The following RCAN3 variants were observed in gnomAD, a reference collection of about 807,000 sequenced individuals.
RCAN3 encodes calcipressin-3.
Under a neutral mutation model 21.9 loss-of-function variants are expected in RCAN3, and 19 were observed. That is an observed-to-expected ratio of 0.87 (90% CI 0.61 to 1.27). The LOEUF is 1.27. RCAN3 is among the 50% of genes most tolerant of loss of function. The pLI, the probability that RCAN3 is intolerant of heterozygous loss-of-function variation, is 0.00. For missense variants in RCAN3, 240 were observed against 300.1 expected, an observed-to-expected ratio of 0.80 and a Z score of 1.48; for synonymous variants, 114 against 112.3, an observed-to-expected ratio of 1.01 and a Z score of -0.09.
intron 2 of RCAN3, among the ~76,000 whole-genome samples, chr1:24,521,932 T>G (rs1384303702): frequency 6.6e-6 from 1 of 152,020 alleles, no homozygotes; most frequent in Non-Finnish European, 1.5e-5. Flanking sequence ...ATTTACAGTT[T>G]AATGTATTGA....
At chr1:24,526,523 G>A (rs1048099270) in intron 2 of RCAN3, among the ~76,000 whole-genome samples, 1 of 152,168 alleles carries the variant, frequency 6.6e-6, no homozygotes, top group African/African-American at 2.4e-5. Flanking sequence ...TGGGAAGAAG[G>A]ATATGATTAT....
In RCAN3 at chr1:24,524,828, G is replaced by T. The variant is rs200292008; in HGVS notation, c.196-6390G>T. 5.2e-3 allele frequency among the ~76,000 whole-genome samples: 656 copies of T among 127,160 alleles called. 3 individuals are homozygous for T. Among genetic ancestry groups the T allele is most frequent in the Non-Finnish European group, 6.7e-3 (410 of 60,972 alleles). The allele number at this position is 127,160 out of a possible 152,430, so 83.4% of individuals were successfully genotyped here. A position where few individuals can be genotyped will look rare whatever the true frequency, so the allele number is the denominator to read the frequency against. On this transcript the variant is annotated intron_variant, in intron 2 of 4. Transcript: ENST00000374395. Reference sequence around the variant, plus strand: ...TACTCTGTTTATTTTGTTTTCTTTTGTTTTTTTTTTTTTTTTTTTGAGACA... The same window carrying T: ...TACTCTGTTTATTTTGTTTTCTTTTTTTTTTTTTTTTTTTTTTTTGAGACA...
At chr1:24,508,562 G>T (rs1211368964) in intron 1 of RCAN3, among the ~76,000 whole-genome samples, 1 of 152,164 alleles carries the variant, frequency 6.6e-6, no homozygotes, top group African/African-American at 2.4e-5. Flanking sequence ...AGGAAGAAGG[G>T]CCAGGAAGAG....
At chr1:24,517,171 A>G (rs1411998951) in intron 2 of RCAN3, among the ~76,000 whole-genome samples, 3 of 151,280 alleles carry the variant, frequency 2.0e-5, no homozygotes, top group Non-Finnish European at 4.4e-5. Context: ...CTGGAGTGCA[A>G]TGGCGCAGTC....
chr1:24,534,586 G>A (rs1650069179), intron 4 of RCAN3, among the ~76,000 whole-genome samples: 1 of 148,926 alleles, frequency 6.7e-6, no homozygotes, highest in Admixed American at 6.7e-5. Flanking sequence ...CAGCCTGGGC[G>A]ACAGAGCAAG....
intron 1 of RCAN3, among the ~76,000 whole-genome samples, chr1:24,512,969 G>A (rs1373857606): frequency 6.6e-6 from 1 of 152,176 alleles, no homozygotes; most frequent in Non-Finnish European, 1.5e-5. Context: ...CAGGCGCGGT[G>A]GCTCACACCT....
rs1156256660 is a variant in RCAN3, at chr1:24,503,072, G to C, written c.-138G>C. 2.7e-5 allele frequency: 4 copies of C among 149,694 alleles called. No homozygotes were observed. Among genetic ancestry groups the C allele is most frequent in the East Asian group, 3.9e-4 (2 of 5,146 alleles). 9.3% of individuals were successfully genotyped at this position (149,694 alleles called of 1,614,324 possible). ...CAGCCCCGTCGGGCAGCCCGGGCCC[G>C]TCCGCTGCCCTCCCGGCTCCCGTCC... On this transcript the variant is annotated 5_prime_UTR_variant, in exon 1 of 5. Coordinates refer to ENST00000374395, the MANE Select transcript of RCAN3 (RefSeq NM_013441.4).
intron 2 of RCAN3, among the ~76,000 whole-genome samples, chr1:24,517,094 G>GTTTTTTTTTTTT (rs1396486242): frequency 7.9e-6 from 1 of 126,342 alleles, no homozygotes. Context: ...GTTTTTTTTT[G>GTTTTTTTTTTTT]TTTTTTTTTT....
chr1:24,514,886 T>C (rs1350591271), intron 2 of RCAN3, among the ~76,000 whole-genome samples: 1 of 151,600 alleles, frequency 6.6e-6, no homozygotes, highest in East Asian at 1.9e-4. Flanking sequence ...GGAGAATCAC[T>C]TGAACTTGGG....
At position 24,535,206 on chromosome 1, in the gene RCAN3, G is replaced by T; in HGVS notation, c.655G>T (p.Ala219Ser). The T allele has an allele frequency of 6.3e-7, 1 of 1,592,738 alleles. No homozygotes were observed. Among genetic ancestry groups the T allele is most frequent in the Non-Finnish European group, 8.5e-7 (1 of 1,172,362 alleles). The change falls in exon 5 of 5, where the codon GCC becomes TCC. Residue 219 changes from alanine (A) to serine (S), a missense_variant. Physicochemically the swap from Ala to Ser is moderately conservative, Grantham distance 99. Transcript: ENST00000374395. ...EETKNPKQKIAQTRRPDPPTA... is the reference protein window; with the variant it reads ...EETKNPKQKISQTRRPDPPTA... ...GACAAAAAACCCCAAACAGAAAATT[G>T]CCCAGACGAGGCGCCCCGACCCTCC...
chr1:24,514,638 T>C, intron 2 of RCAN3, 71 bp downstream of exon 2: 1 of 1,434,412 alleles, frequency 7.0e-7, no homozygotes, highest in Non-Finnish European at 9.6e-7. Flanking sequence ...GAAACAGAGC[T>C]TGACTGGTCC....
intron 1 of RCAN3, among the ~76,000 whole-genome samples, chr1:24,513,185 C>T (rs527490434): frequency 3.3e-5 from 5 of 152,046 alleles, no homozygotes; most frequent in East Asian, 1.9e-4. Context: ...TGCAGTGAGC[C>T]GAGATTGTGC....
At chr1:24,526,653 G>A (rs1649300377) in intron 2 of RCAN3, among the ~76,000 whole-genome samples, 1 of 152,154 alleles carries the variant, frequency 6.6e-6, no homozygotes, top group African/African-American at 2.4e-5. Context: ...AATGTTTAAT[G>A]TACAGAATTA....
At chr1:24,534,984 C>T (rs1650110905) in intron 4 of RCAN3, 109 bp from the exon 5 acceptor site, 2 of 1,002,250 alleles carry the variant, frequency 2.0e-6, no homozygotes, top group Non-Finnish European at 2.9e-6. Flanking sequence ...ATTTAAAGAA[C>T]AAGAATCACC....
chr1:24,504,321 T>G (rs1647283197), intron 1 of RCAN3, among the ~76,000 whole-genome samples: 1 of 152,120 alleles, frequency 6.6e-6, no homozygotes, highest in South Asian at 2.1e-4. Context: ...CCTGAGTAGC[T>G]GGGACTACAG....
intron 1 of RCAN3, among the ~76,000 whole-genome samples, chr1:24,512,973 C>T (rs1648006727): frequency 6.6e-6 from 1 of 152,166 alleles, no homozygotes; most frequent in African/African-American, 2.4e-5. Flanking sequence ...CGCGGTGGCT[C>T]ACACCTGTAA....
intron 1 of RCAN3, among the ~76,000 whole-genome samples, chr1:24,510,221 T>G (rs1215867094): frequency 6.6e-6 from 1 of 151,682 alleles, no homozygotes; most frequent in African/African-American, 2.4e-5. Context: ...GGCTTTAACT[T>G]AAAGTCACCA....
chr1:24,535,232 G>A lies in RCAN3; in HGVS notation c.681G>A (p.Pro227=), dbSNP rs138471720. ...CCCAGACGAGGCGCCCCGACCCTCC[G>A]ACCGCAGCGTTGAATGAGCCCCAGA... ...KIAQTRRPDP[P]TAALNEPQTF... Residue 227 remains proline (P), a synonymous_variant, in exon 5 of 5, where the codon CCG becomes CCA. Coordinates refer to ENST00000374395, the MANE Select transcript of RCAN3 (RefSeq NM_013441.4). 1.0e-5 allele frequency: 16 copies of A among 1,582,700 alleles called. No individual in the cohort carries two copies. The highest frequency in any genetic ancestry group is 1.3e-5 in the Non-Finnish European group (15 of 1,169,596).
At position 24,535,429 on chromosome 1, in the gene RCAN3, C is replaced by A; in HGVS notation, c.*152C>A. The A allele has an allele frequency of 1.4e-6, 1 of 700,658 alleles. No individual in the cohort carries two copies. The highest frequency in any genetic ancestry group is 2.1e-6 in the Non-Finnish European group (1 of 482,600). 43.4% of individuals were successfully genotyped at this position (700,658 alleles called of 1,614,324 possible). Reference sequence around the variant, plus strand: ...ACCACGCCTGTACTGCAGACACGGTCGTGTAGAGTAGCAGCTGATTTGACC... The same window carrying A: ...ACCACGCCTGTACTGCAGACACGGTAGTGTAGAGTAGCAGCTGATTTGACC... On this transcript the variant is annotated 3_prime_UTR_variant, in exon 5 of 5. Coordinates refer to ENST00000374395, the MANE Select transcript of RCAN3 (RefSeq NM_013441.4).
Sources: gnomAD v4.1 joint callset for allele counts (sites outside exome capture counted in the v4.1 genomes callset) on GRCh38, gnomAD v4.1.1 for gene constraint, MANE v1.5 for transcripts, NCBI Gene and HGNC (gene_info 2026-07-23, HGNC 2026-07-21) for gene names.